The following CNTN4 variants were observed in gnomAD, a reference collection of about 807,000 sequenced individuals.
The protein encoded by CNTN4 is contactin 4.
CNTN4 carries 77 observed loss-of-function variants against 122.5 expected under a neutral mutation model. That is an observed-to-expected ratio of 0.63 (90% CI 0.52 to 0.76). The LOEUF is 0.76. Ranked by LOEUF, CNTN4 falls within the 30% of genes least tolerant of loss-of-function variation. CNTN4 has a pLI of 0.00. For synonymous variants in CNTN4, 512 were observed against 447.0 expected (o/e 1.15, Z -1.83); for missense variants, 1,256 against 1,259.1 (o/e 1.00, Z 0.04).
intron 2 of CNTN4, among the ~76,000 whole-genome samples, chr3:2,127,768 CATT>C (rs1299327588): frequency 2.0e-5 from 3 of 152,128 alleles, no homozygotes; most frequent in Non-Finnish European, 4.4e-5. Context: ...CCACATTCAT[CATT>C]GTTGTAGAAA....
intron 4 of CNTN4, among the ~76,000 whole-genome samples, chr3:2,614,811 A>G (rs1228322316): frequency 6.6e-6 from 1 of 152,096 alleles, no homozygotes; most frequent in Non-Finnish European, 1.5e-5. Flanking sequence ...GAGTTCCAGG[A>G]AGAGACTAGG....
intron 3 of CNTN4, among the ~76,000 whole-genome samples, chr3:2,344,764 C>T (rs2044338962): frequency 6.6e-6 from 1 of 152,166 alleles, no homozygotes; most frequent in Non-Finnish European, 1.5e-5. Context: ...CATGAACCTA[C>T]TGTGGTTCCA....
chr3:2,577,643 C>G (rs983462720), intron 4 of CNTN4, among the ~76,000 whole-genome samples: 36 of 152,142 alleles, frequency 2.4e-4, no homozygotes, highest in African/African-American at 8.7e-4. Context: ...AGGGTTAGAG[C>G]TCAGCCTGGA....
At chr3:2,659,343 T>A (rs751193134) in intron 4 of CNTN4, among the ~76,000 whole-genome samples, 9 of 151,150 alleles carry the variant, frequency 6.0e-5, no homozygotes, top group Admixed American at 1.3e-4. Context: ...ATGTCTGTAT[T>A]CCCAGCTACT....
chr3:3,015,071 T>C (rs1434626265), intron 14 of CNTN4, among the ~76,000 whole-genome samples: 1 of 152,158 alleles, frequency 6.6e-6, no homozygotes, highest in Non-Finnish European at 1.5e-5. Flanking sequence ...AACAAAGTCT[T>C]AATTCAGGGC....
chr3:2,715,308 C>T (rs998916194), intron 4 of CNTN4, among the ~76,000 whole-genome samples: 14 of 152,004 alleles, frequency 9.2e-5, no homozygotes, highest in Non-Finnish European at 1.6e-4. Flanking sequence ...AAAGTAAAAG[C>T]CAGGAGCCTA....
At chr3:2,491,005 G>T (rs543861556) in intron 3 of CNTN4, among the ~76,000 whole-genome samples, 48 of 152,166 alleles carry the variant, frequency 3.2e-4, no homozygotes, top group African/African-American at 1.1e-3. Flanking sequence ...TCCAAATAAA[G>T]AAAGAATAGG....
At chr3:2,842,924 G>C (rs760186801) in intron 7 of CNTN4, among the ~76,000 whole-genome samples, 11 of 151,690 alleles carry the variant, frequency 7.3e-5, no homozygotes, top group Non-Finnish European at 1.2e-4. Context: ...AGTGTCCTCA[G>C]GCTCAAGACC....
At chr3:2,817,572 C>CAG (rs1414139187) in intron 6 of CNTN4, among the ~76,000 whole-genome samples, 2 of 152,166 alleles carry the variant, frequency 1.3e-5, no homozygotes, top group African/African-American at 4.8e-5. Context: ...TTTTAAAGCT[C>CAG]AGGAAGGATA....
At chr3:2,793,411 A>G (rs143080705) in intron 6 of CNTN4, among the ~76,000 whole-genome samples, 1 of 152,076 alleles carries the variant, frequency 6.6e-6, no homozygotes, top group Non-Finnish European at 1.5e-5. Context: ...TCTAGCTTTT[A>G]CCCACAACCA....
intron 4 of CNTN4, among the ~76,000 whole-genome samples, chr3:2,653,703 T>C (rs560838550): frequency 6.6e-6 from 1 of 152,302 alleles, no homozygotes; most frequent in East Asian, 1.9e-4. Context: ...TGTGTGAGGG[T>C]TTGGATAACA....
chr3:2,920,618 A>G (rs768310978), intron 12 of CNTN4, among the ~76,000 whole-genome samples: 1 of 152,188 alleles, frequency 6.6e-6, no homozygotes, highest in Non-Finnish European at 1.5e-5. Flanking sequence ...GGACTCTAAG[A>G]AAATTTTCAG....
chr3:2,875,456 C>G (rs771323619), intron 8 of CNTN4, among the ~76,000 whole-genome samples: 2 of 152,186 alleles, frequency 1.3e-5, no homozygotes, highest in South Asian at 4.1e-4. Context: ...TGCATTTCCT[C>G]TAAGCCAAGG....
At chr3:2,756,362 T>G in intron 6 of CNTN4, among the ~76,000 whole-genome samples, 1 of 152,174 alleles carries the variant, frequency 6.6e-6, no homozygotes, top group East Asian at 1.9e-4. Flanking sequence ...AAGAGCTCCC[T>G]TGCTCCTTCT....
chr3:2,973,163 A>G (rs1693094535), intron 13 of CNTN4, among the ~76,000 whole-genome samples: 1 of 152,086 alleles, frequency 6.6e-6, no homozygotes. Flanking sequence ...CCTAGGGAAG[A>G]AAATAGTTGA....
intron 6 of CNTN4, among the ~76,000 whole-genome samples, chr3:2,747,367 C>CAG (rs1553627963): frequency 6.6e-6 from 1 of 151,302 alleles, no homozygotes; most frequent in Non-Finnish European, 1.5e-5. Flanking sequence ...CGAGATGGCG[C>CAG]CACTGGACTC....
At chr3:2,155,349 A>C (rs2035673682) in intron 2 of CNTN4, among the ~76,000 whole-genome samples, 1 of 152,128 alleles carries the variant, frequency 6.6e-6, no homozygotes. Flanking sequence ...GCCACAGGAC[A>C]TGTGAACACA....
intron 3 of CNTN4, among the ~76,000 whole-genome samples, chr3:2,437,507 C>G (rs899801854): frequency 6.6e-6 from 1 of 151,952 alleles, no homozygotes; most frequent in Non-Finnish European, 1.5e-5. Flanking sequence ...TTCTAAATTC[C>G]TATATTTTAT....
chr3:2,456,592 A>C (rs2049011098), intron 3 of CNTN4, among the ~76,000 whole-genome samples: 1 of 152,056 alleles, frequency 6.6e-6, no homozygotes, highest in African/African-American at 2.4e-5. Context: ...CCTATTCTGG[A>C]TATTTCGTAT....
Sources: allele counts gnomAD v4.1 joint callset (sites outside exome capture counted in the v4.1 genomes callset), GRCh38; gene constraint gnomAD v4.1.1; transcripts MANE v1.5; gene names NCBI Gene and HGNC (gene_info 2026-07-23, HGNC 2026-07-21).